The following DMD variants were observed in gnomAD, a reference collection of about 807,000 sequenced individuals.
DMD encodes the protein mutant dystrophin.
Under a neutral mutation model 330.1 loss-of-function variants are expected in DMD, and 63 were observed. The observed-to-expected ratio is 0.19, with a 90% CI of 0.16 to 0.24. DMD has a LOEUF of 0.24. Ranked by LOEUF, DMD falls within the 10% of genes least tolerant of loss-of-function variation. The probability of loss-of-function intolerance (pLI) is 1.00; values close to 1 mark genes in which losing one functional copy is unlikely to be tolerated. For missense variants in DMD, 3,344 were observed against 2,684.1 expected, an observed-to-expected ratio of 1.25 and a Z score of -5.43; for synonymous variants, 1,223 against 959.8, an observed-to-expected ratio of 1.27 and a Z score of -5.07.
At chrX:31,750,063 G>C (rs1377042074) in intron 51 of DMD, among the ~76,000 whole-genome samples, 3 of 110,471 alleles carry the variant, frequency 2.7e-5, no homozygotes, top group African/African-American at 9.9e-5. Flanking sequence ...CAGATAAGCA[G>C]GTTGCGAAAA....
chrX:31,456,876 G>GTGTGTGTATATA (rs752346201), intron 59 of DMD, among the ~76,000 whole-genome samples: 6 of 68,727 alleles, frequency 8.7e-5, no homozygotes, highest in East Asian at 4.4e-4. Flanking sequence ...GTGTGTGTGT[G>GTGTGTGTATATA]TATATATATA....
intron 30 of DMD, among the ~76,000 whole-genome samples, chrX:32,399,479 G>T (rs1039216020): frequency 6.3e-5 from 7 of 111,496 alleles, no homozygotes; most frequent in African/African-American, 2.3e-4. Flanking sequence ...TATATGAAAA[G>T]GGTCTCAATA....
chrX:31,620,601 G>A, intron 55 of DMD, among the ~76,000 whole-genome samples: 1 of 109,742 alleles, frequency 9.1e-6, no homozygotes, highest in East Asian at 2.9e-4. Context: ...TTTTAGTAGA[G>A]ACGGGGTTTC....
At chrX:32,505,444 C>A (rs1056072880) in intron 18 of DMD, among the ~76,000 whole-genome samples, 2 of 111,743 alleles carry the variant, frequency 1.8e-5, no homozygotes, top group Non-Finnish European at 3.8e-5. Context: ...CAGGGAATTA[C>A]AAATTAAACA....
intron 37 of DMD, among the ~76,000 whole-genome samples, chrX:32,361,014 G>A (rs896214484): frequency 9.1e-6 from 1 of 110,167 alleles, no homozygotes; most frequent in African/African-American, 3.3e-5. Context: ...TCACATCTGT[G>A]GTGGAGAGCA....
chrX:33,186,204 T>G (rs1029942735), intron 1 of DMD, among the ~76,000 whole-genome samples: 1 of 112,179 alleles, frequency 8.9e-6, no homozygotes. Flanking sequence ...AATCCCTATC[T>G]CATTCTGAGC....
intron 7 of DMD, among the ~76,000 whole-genome samples, chrX:32,781,685 T>C (rs1435692889): frequency 9.1e-6 from 1 of 110,404 alleles, no homozygotes; most frequent in Non-Finnish European, 1.9e-5. Context: ...ACATTCGTCT[T>C]ATTCCATCTC....
chrX:32,676,767 AT>A (rs1279443500), intron 9 of DMD, among the ~76,000 whole-genome samples: 11 of 111,635 alleles, frequency 9.9e-5, no homozygotes, highest in Non-Finnish European at 2.1e-4. Flanking sequence ...ACACATATGT[AT>A]TGAGGTATGA....
At chrX:32,498,196 C>T (rs771050988) in intron 19 of DMD, among the ~76,000 whole-genome samples, 12 of 111,023 alleles carry the variant, frequency 1.1e-4, no homozygotes, top group African/African-American at 2.3e-4. Flanking sequence ...TACATATTGA[C>T]GGTAAGCTGC....
At chrX:31,811,068 C>T (rs1170841362) in intron 50 of DMD, among the ~76,000 whole-genome samples, 2 of 112,036 alleles carry the variant, frequency 1.8e-5, no homozygotes, top group Non-Finnish European at 3.8e-5. Context: ...ACTAGAGTTT[C>T]TCTTCCTTCA....
intron 55 of DMD, among the ~76,000 whole-genome samples, chrX:31,509,211 C>T (rs746800537): frequency 4.5e-5 from 5 of 111,779 alleles, no homozygotes; most frequent in South Asian, 3.8e-4. Flanking sequence ...TCTTGCAGAA[C>T]GAAGTTTGGT....
intron 44 of DMD, among the ~76,000 whole-genome samples, chrX:32,134,374 G>A (rs1168398826): frequency 9.0e-6 from 1 of 111,239 alleles, no homozygotes; most frequent in African/African-American, 3.3e-5. Context: ...TAGCTTCAGG[G>A]CATTTAAAGA....
chrX:32,525,559 T>A lies in DMD; in HGVS notation c.2169-7428A>T, dbSNP rs1443807404. On this transcript the variant is annotated intron_variant, in intron 17 of 78. Coordinates refer to ENST00000357033, the MANE Select transcript of DMD (RefSeq NM_004006.3). ...TCAGACCCTGGCTTCCAAGAAGCAA[T>A]TGCACGTTTATTTTATTCCTTATCA... 2.7e-5 allele frequency among the ~76,000 whole-genome samples: 3 copies of A among 111,817 alleles called. No homozygotes were observed. The East Asian group carries it at 8.4e-4, about 31-fold the overall frequency.
At chrX:31,189,225 C>T (rs886506044) in intron 67 of DMD, among the ~76,000 whole-genome samples, 3 of 111,706 alleles carry the variant, frequency 2.7e-5, no homozygotes, top group Non-Finnish European at 5.6e-5. Flanking sequence ...AGGCAATTGG[C>T]ATTTCAATTG....
chrX:31,995,817 T>C (rs570863549), intron 44 of DMD, among the ~76,000 whole-genome samples: 5 of 112,248 alleles, frequency 4.5e-5, no homozygotes, highest in South Asian at 7.4e-4. Flanking sequence ...CAGTTGGATG[T>C]TAACTACTTT....
At chrX:31,250,471 G>T (rs545062419) in intron 63 of DMD, among the ~76,000 whole-genome samples, 37 of 111,822 alleles carry the variant, frequency 3.3e-4, no homozygotes, top group South Asian at 2.2e-3. Context: ...GTTCCTGTTT[G>T]GTTAATTATC....
intron 63 of DMD, among the ~76,000 whole-genome samples, chrX:31,242,294 TG>T (rs938808983): frequency 1.3e-5 from 1 of 76,101 alleles, no homozygotes. Context: ...AAAAAAAATC[TG>T]GAGTAGATTC....
chrX:31,808,854 T>C (rs2092372059), intron 50 of DMD, among the ~76,000 whole-genome samples: 1 of 111,422 alleles, frequency 9.0e-6, no homozygotes, highest in Admixed American at 9.7e-5. Flanking sequence ...CTGAACTTAG[T>C]AAGCAAAAGT....
intron 50 of DMD, among the ~76,000 whole-genome samples, chrX:31,779,236 A>G (rs1420469086): frequency 2.7e-5 from 3 of 112,236 alleles, no homozygotes; most frequent in Non-Finnish European, 3.8e-5. Flanking sequence ...AGAATTTTCA[A>G]TGATGTTCTG....
Sources: gnomAD v4.1 joint callset for allele counts (sites outside exome capture counted in the v4.1 genomes callset) on GRCh38, gnomAD v4.1.1 for gene constraint, MANE v1.5 for transcripts, NCBI Gene and HGNC (gene_info 2026-07-23, HGNC 2026-07-21) for gene names.